ZNF215: variants seen among roughly 807,000 people sequenced by gnomAD.
The protein encoded by ZNF215 is zinc finger protein 215.
In ZNF215, 24 loss-of-function variants were observed where a neutral mutation model predicts 27.2. That is an observed-to-expected ratio of 0.88 (90% CI 0.64 to 1.24). ZNF215 has a LOEUF of 1.24. ZNF215 is among the 50% of genes most tolerant of loss of function. The pLI, the probability that ZNF215 is intolerant of heterozygous loss-of-function variation, is 0.00. For synonymous variants in ZNF215, 210 were observed against 204.0 expected, an observed-to-expected ratio of 1.03 and a Z score of -0.25; for missense variants, 675 against 605.7, an observed-to-expected ratio of 1.11 and a Z score of -1.20.
At chr11:6,973,691 T>C (rs1245941365) in intron 5 of ZNF215, among the ~76,000 whole-genome samples, 1 of 150,536 alleles carries the variant, frequency 6.6e-6, no homozygotes, top group Non-Finnish European at 1.5e-5. Context: ...TGCATAAATG[T>C]CTTCTTTTGA....
chr11:6,964,827 A>G (rs180976919), intron 5 of ZNF215, among the ~76,000 whole-genome samples: 1 of 152,102 alleles, frequency 6.6e-6, no homozygotes, highest in Admixed American at 6.6e-5. Flanking sequence ...CTTCTTTTGT[A>G]TATGTGTCTT....
chr11:6,988,054 A>G (rs1262817135), downstream of ZNF215, among the ~76,000 whole-genome samples: 1 of 152,226 alleles, frequency 6.6e-6, no homozygotes, highest in African/African-American at 2.4e-5. Flanking sequence ...CCTGTGTCCT[A>G]TGTAAGGAAG....
At chr11:6,981,364 T>A (rs1299993165) in intron 5 of ZNF215, among the ~76,000 whole-genome samples, 1 of 151,858 alleles carries the variant, frequency 6.6e-6, no homozygotes, top group Non-Finnish European at 1.5e-5. Flanking sequence ...TGGCCAGTGA[T>A]GGTGAGCATT....
intron 5 of ZNF215, among the ~76,000 whole-genome samples, chr11:6,964,417 A>G (rs767126194): frequency 1.7e-4 from 26 of 152,024 alleles, no homozygotes; most frequent in Non-Finnish European, 2.5e-4. Flanking sequence ...TTTATGATCT[A>G]TTCTTAGTTA....
intron 6 of ZNF215, among the ~76,000 whole-genome samples, chr11:6,949,691 A>G (rs1590063019): frequency 6.6e-6 from 1 of 151,772 alleles, no homozygotes; most frequent in East Asian, 1.9e-4. Context: ...TTGCCTGTTC[A>G]CTCTGATGGT....
chr11:6,935,562 C>CA (rs1849407609), intron 3 of ZNF215, among the ~76,000 whole-genome samples: 1 of 151,732 alleles, frequency 6.6e-6, no homozygotes, highest in South Asian at 2.1e-4. Context: ...GTTAGAGCCT[C>CA]AAAATATATG....
At chr11:6,946,190 C>G (rs1849808805) in intron 6 of ZNF215, among the ~76,000 whole-genome samples, 1 of 152,184 alleles carries the variant, frequency 6.6e-6, no homozygotes, top group Non-Finnish European at 1.5e-5. Context: ...ACCTGAACCA[C>G]CACATTGGCA....
chr11:6,953,467 T>C (rs1030582759), intron 6 of ZNF215, among the ~76,000 whole-genome samples: 1 of 152,222 alleles, frequency 6.6e-6, no homozygotes, highest in African/African-American at 2.4e-5. Flanking sequence ...CCTCCTTTCT[T>C]GCTTCATTTC....
At chr11:6,948,469 GT>G (rs10707253) in intron 6 of ZNF215, among the ~76,000 whole-genome samples, 36,174 of 152,028 alleles carry the variant, frequency 0.24, 4,674 homozygotes, top group African/African-American at 0.33. Flanking sequence ...AATGGTTATT[GT>G]TTTTTTATGG....
intron 6 of ZNF215, among the ~76,000 whole-genome samples, chr11:6,951,135 C>T (rs146792435): frequency 6.6e-6 from 1 of 151,990 alleles, no homozygotes. Flanking sequence ...TTTGCTTTGC[C>T]AGTATTTTAT....
chr11:6,952,769 C>T (rs1590066979), intron 6 of ZNF215, among the ~76,000 whole-genome samples: 1 of 152,104 alleles, frequency 6.6e-6, no homozygotes, highest in African/African-American at 2.4e-5. Flanking sequence ...GAGTTTGATC[C>T]TATCATTATG....
At chr11:6,970,050 C>T (rs1218349838) in intron 5 of ZNF215, among the ~76,000 whole-genome samples, 2 of 151,978 alleles carry the variant, frequency 1.3e-5, no homozygotes, top group African/African-American at 4.8e-5. Context: ...CCATAGTGCT[C>T]GGATTACAAG....
At chr11:6,980,574 G>GA (rs911129017) in intron 5 of ZNF215, among the ~76,000 whole-genome samples, 1 of 151,586 alleles carries the variant, frequency 6.6e-6, no homozygotes, top group African/African-American at 2.4e-5. Flanking sequence ...CCAGTCATTT[G>GA]AAAAATGAAA....
chr11:6,957,784 T>C lies in ZNF215; in HGVS notation c.*1253T>C. The stretch of plus-strand genomic sequence containing the variant: ...TAGGCTGGAGAGACGTCCATAGCCT[T>C]AGGTATATCATTTATACCAGACATT... On this transcript the variant is annotated 3_prime_UTR_variant, in exon 7 of 7. Coordinates refer to ENST00000278319, the MANE Select transcript of ZNF215 (RefSeq NM_013250.4). 2.0e-6 allele frequency: 2 copies of C among 985,430 alleles called. No individual in the cohort carries two copies. The highest frequency in any genetic ancestry group is 2.4e-6 in the Non-Finnish European group (2 of 829,920). The allele number at this position is 985,430 out of a possible 1,614,324, so 61.0% of individuals were successfully genotyped here. A position where few individuals can be genotyped will look rare whatever the true frequency, so the allele number is the denominator to read the frequency against.
chr11:6,955,666 A>T (rs746687622), intron 6 of ZNF215, 24 bp from the exon 7 acceptor site: 11 of 1,527,666 alleles, frequency 7.2e-6, no homozygotes, highest in Non-Finnish European at 9.6e-6. Context: ...CTTCTAGTTC[A>T]TGGCATTTTT....
In ZNF215 at chr11:6,957,104, G is replaced by T. The variant is rs1219564106; in HGVS notation, c.*573G>T. The stretch of plus-strand genomic sequence containing the variant: ...GAATGGAGACTAGAGTTGGGAAAGG[G>T]TTATCAACTGCAATGGGAGAAGTAT... On this transcript the variant is annotated 3_prime_UTR_variant, in exon 7 of 7. Transcript: ENST00000278319. The T allele has an allele frequency of 2.0e-5, 20 of 985,570 alleles. No homozygotes were observed. Among genetic ancestry groups the T allele is most frequent in the Non-Finnish European group, 2.3e-5 (19 of 830,048 alleles). 61.1% of individuals were successfully genotyped at this position (985,570 alleles called of 1,614,324 possible). A position where few individuals can be genotyped will look rare whatever the true frequency, so the allele number is the denominator to read the frequency against.
chr11:6,985,804 A>C (rs10769745), downstream of ZNF215, among the ~76,000 whole-genome samples: 41,175 of 152,026 alleles, frequency 0.27, 6,311 homozygotes, highest in East Asian at 0.62. Flanking sequence ...AAAAAGAATA[A>C]AATACCTAAG....
Position 6,943,114 on chromosome 11 carries a change from A to C in ZNF215, c.515A>C (p.Glu172Ala). 3 of 1,613,848 alleles carry C rather than the reference A, an allele frequency of 1.9e-6. No homozygotes were observed. Among genetic ancestry groups the C allele is most frequent in the Non-Finnish European group, 2.5e-6 (3 of 1,179,908 alleles). The change falls in exon 5 of 7, where the codon GAA (glutamate) becomes GCA (alanine). Residue 172 changes from glutamate (E) to alanine (A), a missense_variant. Transcript: ENST00000278319. ...GTGACATTCAAAGATGTGGTTGTGG[A>C]ATTCAGCAAGGAAGAGTGGGGGCAA... Reference protein sequence around the residue: ...EPVTFKDVVVEFSKEEWGQLD... With the variant: ...EPVTFKDVVVAFSKEEWGQLD...
rs1206058303 is a variant in ZNF215, at chr11:6,932,196, G to C, written c.-77G>C. On this transcript the variant is annotated 5_prime_UTR_variant, in exon 3 of 7. Coordinates refer to ENST00000278319, the MANE Select transcript of ZNF215 (RefSeq NM_013250.4). ...AAATCACACTGCATATAGTACACAG[G>C]TGCTTAGCTCAAGCCTGAGAATTAC... 7.1e-6 allele frequency: 11 copies of C among 1,539,666 alleles called. No homozygotes were observed. Among genetic ancestry groups the C allele is most frequent in the East Asian group, 6.8e-5 (3 of 44,402 alleles).
Sources: allele counts gnomAD v4.1 joint callset (sites outside exome capture counted in the v4.1 genomes callset), GRCh38; gene constraint gnomAD v4.1.1; transcripts MANE v1.5; gene names NCBI Gene and HGNC (gene_info 2026-07-23, HGNC 2026-07-21).